The following CD53 variants were observed in gnomAD, a reference collection of about 807,000 sequenced individuals.
CD53 encodes leukocyte surface antigen CD53.
CD53 carries 20 observed loss-of-function variants against 27.3 expected under a neutral mutation model. The observed-to-expected ratio is 0.73, with a 90% CI of 0.52 to 1.07. CD53 has a LOEUF of 1.07. Ranked by LOEUF, CD53 falls within the 50% of genes least tolerant of loss-of-function variation. CD53 has a pLI of 0.00. For synonymous variants in CD53, 106 were observed against 105.3 expected, an observed-to-expected ratio of 1.01 and a Z score of -0.04; for missense variants, 216 against 264.0, an observed-to-expected ratio of 0.82 and a Z score of 1.26.
intron 4 of CD53, 58 bp from the exon 5 acceptor site, chr1:110,894,902 A>G: frequency 7.5e-7 from 1 of 1,329,644 alleles, no homozygotes; most frequent in South Asian, 1.2e-5. Context: ...GAAATTCCTT[A>G]TTCCTTGAAC....
chr1:110,897,790 T>A lies in CD53; in HGVS notation c.505-19T>A. 1.3e-6 allele frequency: 2 copies of A among 1,492,166 alleles called. No individual in the cohort carries two copies. The highest frequency in any genetic ancestry group is 1.9e-6 in the Non-Finnish European group (2 of 1,070,462). The allele number at this position is 1,492,166 out of a possible 1,614,324, so 92.4% of individuals were successfully genotyped here. On this transcript the variant is annotated intron_variant, in intron 6 of 7. Transcript: ENST00000271324. ...TGGAATTATAGAGTAGTATCATTTGTAACTGAAATGTCTTCTAGGGTTGCT... is the reference window on the plus strand; with the variant it reads ...TGGAATTATAGAGTAGTATCATTTGAAACTGAAATGTCTTCTAGGGTTGCT...
chr1:110,881,022 C>T (rs1296182364), intron 1 of CD53, among the ~76,000 whole-genome samples: 2 of 152,144 alleles, frequency 1.3e-5, no homozygotes, highest in Non-Finnish European at 2.9e-5. Context: ...AGCATTAAGA[C>T]AAGGATTCAA....
At chr1:110,886,869 A>ATATATATATATATATT (rs1298376721) in intron 1 of CD53, among the ~76,000 whole-genome samples, 36 of 82,774 alleles carry the variant, frequency 4.3e-4, no homozygotes, top group South Asian at 2.1e-3. Context: ...ATATATATAT[A>ATATATATATATATATT]TTTTTTTTTT....
chr1:110,877,290 G>T (rs1280562000), intron 1 of CD53, among the ~76,000 whole-genome samples: 1 of 152,094 alleles, frequency 6.6e-6, no homozygotes, highest in African/African-American at 2.4e-5. Context: ...TTTTTGATAG[G>T]AATACCAACA....
At chr1:110,882,569 A>G (rs909525600) in intron 1 of CD53, among the ~76,000 whole-genome samples, 1 of 151,996 alleles carries the variant, frequency 6.6e-6, no homozygotes, top group Non-Finnish European at 1.5e-5. Context: ...TGCATTCCCA[A>G]ATGAATTTTA....
chr1:110,895,063 C>G lies in CD53; in HGVS notation c.423+8C>G. ...GACTCCATCCAGTCATTTGTGAGTA[C>G]AGGTGGAATCCTCTTCAGATCAGCC... On this transcript the variant is annotated splice_region_variant and intron_variant, in intron 5 of 7. Coordinates refer to ENST00000271324, the MANE Select transcript of CD53 (RefSeq NM_000560.4). 6.3e-7 allele frequency: 1 copy of G among 1,589,866 alleles called. No individual in the cohort carries two copies. Among genetic ancestry groups the G allele is most frequent in the South Asian group, 1.1e-5 (1 of 90,574 alleles).
intron 1 of CD53, among the ~76,000 whole-genome samples, chr1:110,885,661 G>A (rs1394904030): frequency 6.6e-6 from 1 of 152,000 alleles, no homozygotes; most frequent in Admixed American, 6.6e-5. Context: ...TCAGGAGTTC[G>A]AGACCAGCCT....
chr1:110,881,316 T>C (rs1198715823), intron 1 of CD53, among the ~76,000 whole-genome samples: 2 of 152,156 alleles, frequency 1.3e-5, no homozygotes, highest in African/African-American at 4.8e-5. Context: ...TAGATTAGTT[T>C]TCATTTTCTA....
intron 1 of CD53, among the ~76,000 whole-genome samples, chr1:110,887,436 G>T (rs1019512429): frequency 6.6e-6 from 1 of 152,032 alleles, no homozygotes; most frequent in African/African-American, 2.4e-5. Context: ...TTCATCTATC[G>T]CCATATTATA....
chr1:110,882,698 T>G (rs11102171), intron 1 of CD53, among the ~76,000 whole-genome samples: 33,498 of 151,952 alleles, frequency 0.22, 4,052 homozygotes, highest in East Asian at 0.32. Flanking sequence ...TAGATGGACG[T>G]GGTATATCTC....
chr1:110,871,872 G>T (rs979971764), upstream of CD53, among the ~76,000 whole-genome samples: 1 of 149,752 alleles, frequency 6.7e-6, no homozygotes, highest in Non-Finnish European at 1.5e-5. Context: ...GCTCAGATAA[G>T]TTTGGAGAAA....
Position 110,877,371 on chromosome 1 carries a change from A to AGCC in CD53, c.-18+4124_-18+4125insCCG, listed in dbSNP as rs1197475734. On this transcript the variant is annotated intron_variant, in intron 1 of 7. Coordinates refer to ENST00000271324, the MANE Select transcript of CD53 (RefSeq NM_000560.4). ...TAGCCAGCCTGCAGACACCATGGAC[A>AGCC]GGCCTCTAGCCGAGGGACCCCGTAT... 6.3e-4 allele frequency among the ~76,000 whole-genome samples: 96 copies of AGCC among 152,336 alleles called. 1 individual carries two copies. Among genetic ancestry groups the AGCC allele is most frequent in the Non-Finnish European group, 1.2e-3 (79 of 68,038 alleles).
chr1:110,889,332 A>G (rs1656754020), intron 1 of CD53, among the ~76,000 whole-genome samples: 1 of 151,940 alleles, frequency 6.6e-6, no homozygotes, highest in Non-Finnish European at 1.5e-5. Context: ...TGAGACGGGT[A>G]GATCACCAGG....
intron 1 of CD53, among the ~76,000 whole-genome samples, chr1:110,878,231 CAGTT>C (rs1435419375): frequency 6.6e-6 from 1 of 152,158 alleles, no homozygotes; most frequent in African/African-American, 2.4e-5. Context: ...TTATGTATCT[CAGTT>C]TGTTTGAGCA....
intron 1 of CD53, among the ~76,000 whole-genome samples, chr1:110,877,885 G>A (rs545848379): frequency 6.6e-6 from 1 of 152,292 alleles, no homozygotes; most frequent in South Asian, 2.1e-4. Flanking sequence ...AACTTTGATT[G>A]CACCTCAGCC....
intron 1 of CD53, among the ~76,000 whole-genome samples, chr1:110,886,874 T>A (rs1277400642): frequency 4.1e-5 from 6 of 145,056 alleles, no homozygotes; most frequent in Non-Finnish European, 9.1e-5. Flanking sequence ...TATATATTTT[T>A]TTTTTCTGTC....
intron 1 of CD53, among the ~76,000 whole-genome samples, chr1:110,884,957 T>C (rs1204341745): frequency 6.6e-6 from 1 of 152,218 alleles, no homozygotes; most frequent in African/African-American, 2.4e-5. Flanking sequence ...GATATTGGTA[T>C]GGTTGGGATT....
intron 6 of CD53, 22 bp downstream of exon 6, chr1:110,896,755 CT>C: frequency 6.3e-7 from 1 of 1,594,826 alleles, no homozygotes; most frequent in Non-Finnish European, 8.6e-7. Context: ...GGCAATGTTT[CT>C]GTTATTGACC....
intron 6 of CD53, among the ~76,000 whole-genome samples, chr1:110,897,098 CT>C (rs1657100228): frequency 6.6e-6 from 1 of 152,222 alleles, no homozygotes; most frequent in Admixed American, 6.5e-5. Context: ...CCCTCTCCCT[CT>C]TTCTCTGCTC....
Sources: gnomAD v4.1 joint callset for allele counts (sites outside exome capture counted in the v4.1 genomes callset) on GRCh38, gnomAD v4.1.1 for gene constraint, MANE v1.5 for transcripts, NCBI Gene and HGNC (gene_info 2026-07-23, HGNC 2026-07-21) for gene names.